ZDHHC14: variants seen among roughly 807,000 people sequenced by gnomAD.
ZDHHC14 encodes palmitoyltransferase ZDHHC14.
ZDHHC14 carries 16 observed loss-of-function variants against 47.7 expected under a neutral mutation model. The observed-to-expected ratio is 0.34, with a 90% CI of 0.23 to 0.51. The LOEUF (loss-of-function observed/expected upper bound fraction) is 0.51. Among genes scored for constraint, ZDHHC14 ranks in the 20% least tolerant of loss-of-function variants. The probability of loss-of-function intolerance (pLI) is 0.97; values close to 1 mark genes in which losing one functional copy is unlikely to be tolerated. For synonymous variants in ZDHHC14, 293 were observed against 278.9 expected, an observed-to-expected ratio of 1.05 and a Z score of -0.50; for missense variants, 515 against 662.5, an observed-to-expected ratio of 0.78 and a Z score of 2.44.
chr6:157,508,832 CCTT>C lies in ZDHHC14; in HGVS notation c.246-33749_246-33747del, dbSNP rs565995388. Among the ~76,000 whole-genome samples the C allele has an allele frequency of 2.0e-5, 3 of 152,268 alleles. No individual in the cohort carries two copies. In the East Asian group the frequency reaches 5.8e-4, roughly 29 times the overall value. Reference sequence around the variant, plus strand: ...GCAATATCTTTCAGTACCAAAAACTCCTTCTTGTTCTCTAACTGTTCTTTTTTA... The same window carrying C: ...GCAATATCTTTCAGTACCAAAAACTCCTTGTTCTCTAACTGTTCTTTTTTA... On this transcript the variant is annotated intron_variant, in intron 1 of 8. Coordinates refer to ENST00000359775, the MANE Select transcript of ZDHHC14 (RefSeq NM_024630.3).
chr6:157,460,771 T>A (rs531263027), intron 1 of ZDHHC14, among the ~76,000 whole-genome samples: 20 of 152,188 alleles, frequency 1.3e-4, no homozygotes, highest in African/African-American at 4.8e-4. Context: ...TGTGGAAACA[T>A]CCCCCGTTTG....
At chr6:157,550,813 A>T (rs962144195) in intron 2 of ZDHHC14, among the ~76,000 whole-genome samples, 5 of 152,218 alleles carry the variant, frequency 3.3e-5, no homozygotes, top group African/African-American at 1.2e-4. Context: ...TTACTGCACC[A>T]ATGTCACTTT....
At chr6:157,485,996 G>A (rs572653438) in intron 1 of ZDHHC14, among the ~76,000 whole-genome samples, 37 of 152,254 alleles carry the variant, frequency 2.4e-4, no homozygotes, top group Non-Finnish European at 4.6e-4. Context: ...CTGGGTGACA[G>A]AGTGAAACTC....
chr6:157,535,607 T>C (rs1781519191), intron 1 of ZDHHC14, among the ~76,000 whole-genome samples: 1 of 152,152 alleles, frequency 6.6e-6, no homozygotes, highest in South Asian at 2.1e-4. Context: ...TTGATTTAAA[T>C]TCCCTCCCTT....
At chr6:157,385,220 C>T (rs1309588201) in intron 1 of ZDHHC14, among the ~76,000 whole-genome samples, 1 of 152,146 alleles carries the variant, frequency 6.6e-6, no homozygotes, top group Non-Finnish European at 1.5e-5. Flanking sequence ...TCCTTAGTAA[C>T]TGGAACTGTA....
chr6:157,580,595 T>C (rs1429784065), intron 2 of ZDHHC14, among the ~76,000 whole-genome samples: 1 of 152,198 alleles, frequency 6.6e-6, no homozygotes, highest in Non-Finnish European at 1.5e-5. Flanking sequence ...AGGGATTCAG[T>C]TTCTTCCTGG....
At chr6:157,572,897 TTTCCCCCGTCAA>T (rs1455386627) in intron 2 of ZDHHC14, among the ~76,000 whole-genome samples, 31 of 152,222 alleles carry the variant, frequency 2.0e-4, no homozygotes, top group African/African-American at 7.5e-4. Context: ...CATTGGGCTT[TTTCCCCCGTCAA>T]TTCCTTGTTA....
chr6:157,499,722 G>C (rs1406366559), intron 1 of ZDHHC14, among the ~76,000 whole-genome samples: 1 of 152,140 alleles, frequency 6.6e-6, no homozygotes. Context: ...TTGCTACTTG[G>C]ATCACCCTAT....
chr6:157,484,758 C>G (rs1337915415), intron 1 of ZDHHC14, among the ~76,000 whole-genome samples: 1 of 151,942 alleles, frequency 6.6e-6, no homozygotes, highest in East Asian at 1.9e-4. Flanking sequence ...AAATAAGGCA[C>G]CCAAGGGATC....
At chr6:157,465,105 C>CTTTTTTTTTTTTTTTTTTTTTTTTCTT (rs772080368) in intron 1 of ZDHHC14, among the ~76,000 whole-genome samples, 1 of 102,008 alleles carries the variant, frequency 9.8e-6, no homozygotes, top group Non-Finnish European at 1.9e-5. Context: ...TCTCTTTCTC[C>CTTTTTTTTTTTTTTTTTTTTTTTTCTT]TTTTTTTTTT....
chr6:157,562,770 G>A (rs904871773), intron 2 of ZDHHC14, among the ~76,000 whole-genome samples: 1 of 152,300 alleles, frequency 6.6e-6, no homozygotes, highest in Admixed American at 6.5e-5. Context: ...TATAGGGAGC[G>A]TTTTATGTGT....
At chr6:157,426,621 G>A (rs188207821) in intron 1 of ZDHHC14, among the ~76,000 whole-genome samples, 221 of 152,274 alleles carry the variant, frequency 1.5e-3, no homozygotes, top group South Asian at 4.4e-3. Context: ...AGCCCTGGCT[G>A]TGGGTTTGGA....
At chr6:157,672,622 G>GCA in intron 8 of ZDHHC14, 102 bp from the exon 9 acceptor site, 2 of 436,552 alleles carry the variant, frequency 4.6e-6, no homozygotes, top group Non-Finnish European at 8.5e-6. Context: ...CTCTCTTCTC[G>GCA]CACCCCACCC....
chr6:157,504,310 C>T (rs971013113), intron 1 of ZDHHC14, among the ~76,000 whole-genome samples: 14 of 146,362 alleles, frequency 9.6e-5, no homozygotes, highest in Admixed American at 6.1e-4. Context: ...CGGGTTCACG[C>T]CCGGCTAATT....
intron 1 of ZDHHC14, among the ~76,000 whole-genome samples, chr6:157,414,030 G>C (rs998268532): frequency 6.6e-6 from 1 of 152,108 alleles, no homozygotes; most frequent in Admixed American, 6.6e-5. Context: ...TCCAACTCCT[G>C]GGTTCAAGCG....
chr6:157,448,611 C>G (rs1450404251), intron 1 of ZDHHC14, among the ~76,000 whole-genome samples: 1 of 152,164 alleles, frequency 6.6e-6, no homozygotes, highest in Non-Finnish European at 1.5e-5. Context: ...TACATGTGAT[C>G]TTTATTCAGA....
chr6:157,596,379 G>A (rs1032549422), intron 3 of ZDHHC14, among the ~76,000 whole-genome samples: 1 of 152,184 alleles, frequency 6.6e-6, no homozygotes, highest in Non-Finnish European at 1.5e-5. Flanking sequence ...ACCTTGTAAC[G>A]AGCAGGTTTG....
chr6:157,430,781 A>G (rs957566045), intron 1 of ZDHHC14, among the ~76,000 whole-genome samples: 1 of 152,232 alleles, frequency 6.6e-6, no homozygotes, highest in African/African-American at 2.4e-5. Flanking sequence ...CCTACTGCAT[A>G]TGTTTTGAAG....
At chr6:157,484,481 TAC>T (rs200518649) in intron 1 of ZDHHC14, among the ~76,000 whole-genome samples, 1 of 146,260 alleles carries the variant, frequency 6.8e-6, no homozygotes, top group African/African-American at 2.5e-5. Context: ...TATTTATATA[TAC>T]ACACACAAAT....
Sources: allele counts gnomAD v4.1 joint callset (sites outside exome capture counted in the v4.1 genomes callset), GRCh38; gene constraint gnomAD v4.1.1; transcripts MANE v1.5; gene names NCBI Gene and HGNC (gene_info 2026-07-23, HGNC 2026-07-21).